The following TRIM9 variants were observed in gnomAD, a reference collection of about 807,000 sequenced individuals.
The protein encoded by TRIM9 is tripartite motif containing 9, also known as E3 ubiquitin-protein ligase TRIM9.
In TRIM9, 26 loss-of-function variants were observed where a neutral mutation model predicts 78.3. The observed-to-expected ratio is 0.33, with a 90% CI of 0.24 to 0.46. TRIM9 has a LOEUF of 0.46. Ranked by LOEUF, TRIM9 falls within the 20% of genes least tolerant of loss-of-function variation. The probability of loss-of-function intolerance (pLI) is 1.00; values close to 1 mark genes in which losing one functional copy is unlikely to be tolerated. For missense variants in TRIM9, 787 were observed against 1,036.4 expected (o/e 0.76, Z 3.30); for synonymous variants, 398 against 416.5 (o/e 0.96, Z 0.54).
intron 7 of TRIM9, among the ~76,000 whole-genome samples, chr14:50,994,453 C>T (rs146241764): frequency 6.2e-4 from 94 of 152,266 alleles, no homozygotes; most frequent in Non-Finnish European, 1.1e-3. Flanking sequence ...GAAGATGCTA[C>T]ATGTCTGGCT....
chr14:51,027,805 A>AT (rs537690883), intron 1 of TRIM9, among the ~76,000 whole-genome samples: 1 of 151,062 alleles, frequency 6.6e-6, no homozygotes, highest in African/African-American at 2.5e-5. Flanking sequence ...TAAAGAAGAA[A>AT]TTTTTTTTCA....
chr14:51,003,229 C>T (rs775289677), intron 5 of TRIM9, among the ~76,000 whole-genome samples: 24 of 151,862 alleles, frequency 1.6e-4, no homozygotes, highest in African/African-American at 5.3e-4. Flanking sequence ...ATATTTACTA[C>T]GGAAGATAAA....
chr14:51,008,142 G>A (rs1319523809), intron 5 of TRIM9, among the ~76,000 whole-genome samples: 1 of 152,204 alleles, frequency 6.6e-6, no homozygotes, highest in Non-Finnish European at 1.5e-5. Flanking sequence ...AGAGATTAGA[G>A]TTGGTGGAGG....
At chr14:51,078,410 G>A (rs1215073071) in intron 1 of TRIM9, among the ~76,000 whole-genome samples, 2 of 151,984 alleles carry the variant, frequency 1.3e-5, no homozygotes, top group Non-Finnish European at 2.9e-5. Context: ...TTGGATTCAC[G>A]ATAGCCAAGA....
chr14:51,072,661 T>C (rs566279777), intron 1 of TRIM9, among the ~76,000 whole-genome samples: 205 of 151,690 alleles, frequency 1.4e-3, no homozygotes, highest in African/African-American at 4.0e-3. Context: ...ATTACTTTTT[T>C]TTTTTTTACT....
intron 1 of TRIM9, chr14:51,089,893 T>A (rs1410929368): frequency 6.6e-6 from 1 of 152,250 alleles, no homozygotes; most frequent in Non-Finnish European, 1.5e-5. Flanking sequence ...TGTTTATGGT[T>A]GTGTTGAACT....
chr14:51,036,909 A>G (rs1271136670), intron 1 of TRIM9, among the ~76,000 whole-genome samples: 1 of 152,184 alleles, frequency 6.6e-6, no homozygotes, highest in Non-Finnish European at 1.5e-5. Context: ...TTCCATCCAT[A>G]TTGTGTATAT....
rs1396892666 is a variant in TRIM9, at chr14:51,094,890, T to A, written c.50A>T (p.Tyr17Phe). ...ELKCPVCGSF[Y>F]REPIILPCSH... ...GCAGGGCAGGATGATGGGCTCCCGA[T>A]AGAAGGAGCCGCACACGGGGCATTT... Residue 17 changes from tyrosine to phenylalanine, a missense_variant, in exon 1 of 13, where the codon TAT becomes TTT. Tyr to Phe is a conservative substitution (Grantham distance 22, BLOSUM62 3). This residue lies in a region of TRIM9 where 352 missense variants were observed against 472.3 expected (regional missense o/e 0.75). Transcript: ENST00000684578. 2.7e-6 allele frequency: 4 copies of A among 1,508,920 alleles called. No homozygotes were observed. In the East Asian group the frequency reaches 9.1e-5, roughly 34 times the overall value. 93.5% of individuals were successfully genotyped at this position (1,508,920 alleles called of 1,614,324 possible).
intron 1 of TRIM9, among the ~76,000 whole-genome samples, chr14:51,043,096 G>C (rs1037468806): frequency 1.3e-5 from 2 of 152,102 alleles, no homozygotes; most frequent in African/African-American, 4.8e-5. Flanking sequence ...GTTGTTATTG[G>C]ACTGCTTTGG....
intron 1 of TRIM9, among the ~76,000 whole-genome samples, chr14:51,066,010 A>C (rs2061697117): frequency 6.6e-6 from 1 of 150,458 alleles, no homozygotes; most frequent in African/African-American, 2.5e-5. Context: ...TCACTTACTG[A>C]TTATTTTCAT....
chr14:50,980,498 C>T (rs2051725034), intron 11 of TRIM9, among the ~76,000 whole-genome samples: 1 of 152,192 alleles, frequency 6.6e-6, no homozygotes, highest in Non-Finnish European at 1.5e-5. Context: ...TTACAAATTG[C>T]CTCTTGCTAC....
chr14:51,082,438 A>G (rs2140314456), intron 1 of TRIM9, among the ~76,000 whole-genome samples: 1 of 152,358 alleles, frequency 6.6e-6, no homozygotes, highest in South Asian at 2.1e-4. Flanking sequence ...AGTCATAAAA[A>G]AGAATGATGT....
At chr14:51,016,521 A>G (rs2057216767) in intron 3 of TRIM9, among the ~76,000 whole-genome samples, 1 of 147,936 alleles carries the variant, frequency 6.8e-6, no homozygotes, top group Non-Finnish European at 1.5e-5. Flanking sequence ...ATAATAACAT[A>G]TCATTAATAA....
chr14:50,994,284 G>A (rs8011740), intron 7 of TRIM9, among the ~76,000 whole-genome samples: 11,091 of 152,292 alleles, frequency 0.073, 859 homozygotes, highest in African/African-American at 0.19. Context: ...GCACATGCCT[G>A]TAGTCCTAAC....
intron 8 of TRIM9, 95 bp downstream of exon 8, chr14:50,985,861 C>T (rs111818956): frequency 7.0e-6 from 8 of 1,142,080 alleles, no homozygotes; most frequent in South Asian, 4.9e-5. Flanking sequence ...TCATCCCCCT[C>T]ACCACGCACA....
chr14:51,005,568 C>A (rs751461383), intron 5 of TRIM9, among the ~76,000 whole-genome samples: 1 of 152,152 alleles, frequency 6.6e-6, no homozygotes, highest in African/African-American at 2.4e-5. Context: ...AACAGTAAAG[C>A]CCTTGGCTGA....
intron 1 of TRIM9, among the ~76,000 whole-genome samples, chr14:51,045,859 C>G (rs1448861756): frequency 6.6e-6 from 1 of 151,656 alleles, no homozygotes; most frequent in Non-Finnish European, 1.5e-5. Context: ...CAACAGTATG[C>G]GCAAGGAGGC....
intron 1 of TRIM9, among the ~76,000 whole-genome samples, chr14:51,051,148 A>C (rs936426039): frequency 1.5e-4 from 23 of 152,334 alleles, no homozygotes; most frequent in African/African-American, 5.3e-4. Flanking sequence ...TAAGGAATTC[A>C]TATGTTCTGG....
At chr14:51,085,795 T>C (rs2063699021) in intron 1 of TRIM9, among the ~76,000 whole-genome samples, 1 of 152,248 alleles carries the variant, frequency 6.6e-6, no homozygotes, top group African/African-American at 2.4e-5. Context: ...TTTTTATGTC[T>C]GTAAATTTTG....
Sources: allele counts gnomAD v4.1 joint callset (sites outside exome capture counted in the v4.1 genomes callset), GRCh38; gene constraint gnomAD v4.1.1; regional missense constraint gnomAD v4.1.1; transcripts MANE v1.5; gene names NCBI Gene and HGNC (gene_info 2026-07-23, HGNC 2026-07-21).